The following TRIM16 variants were observed in gnomAD, a reference collection of about 807,000 sequenced individuals.
TRIM16 encodes tripartite motif-containing protein 16.
In TRIM16, 33 loss-of-function variants were observed where a neutral mutation model predicts 50.4. The observed-to-expected ratio is 0.65, with a 90% CI of 0.50 to 0.88. The LOEUF (loss-of-function observed/expected upper bound fraction) is 0.88, where lower values mean the gene tolerates loss of function less well. TRIM16 is among the 40% of genes least tolerant of loss of function. TRIM16 has a pLI of 0.00. For missense variants in TRIM16, 581 were observed against 686.8 expected, an observed-to-expected ratio of 0.85 and a Z score of 1.72; for synonymous variants, 229 against 270.7, an observed-to-expected ratio of 0.85 and a Z score of 1.51.
chr17:15,629,843 C>G (rs1986320666), intron 11 of TRIM16, among the ~76,000 whole-genome samples: 1 of 152,158 alleles, frequency 6.6e-6, no homozygotes, highest in Non-Finnish European at 1.5e-5. Flanking sequence ...TCTCTCCAGC[C>G]CCCTGCTTTA....
At chr17:15,664,824 C>A (rs1293106499) in intron 6 of TRIM16, among the ~76,000 whole-genome samples, 1 of 151,664 alleles carries the variant, frequency 6.6e-6, no homozygotes, top group East Asian at 2.0e-4. Context: ...CACTTGAGAT[C>A]AGTTCGAGAT....
In TRIM16 at chr17:15,651,466, C is replaced by T. The variant is rs748640378; in HGVS notation, c.144G>A (p.Ser48=). The T allele has an allele frequency of 1.8e-5, 29 of 1,611,602 alleles. No individual in the cohort carries two copies. Among genetic ancestry groups the T allele is most frequent in the South Asian group, 1.5e-4 (14 of 90,794 alleles). The part of the protein sequence containing the change: ...SPVEEEDVGS[S]EKLGRETEEQ... ...CCTCCGTCTCCCTGCCAAGCTTCTC[C>T]GAGGAGCCCACGTCCTCTTCTTCCA... The change falls in exon 7 of 12, where the codon TCG becomes TCA. Residue 48 remains serine, a synonymous_variant. Transcript: ENST00000649191.
At chr17:15,654,314 G>C (rs1987869588) in intron 6 of TRIM16, 1 of 152,172 alleles carries the variant, frequency 6.6e-6, no homozygotes, top group African/African-American at 2.4e-5. Flanking sequence ...TTTCCTCACT[G>C]TCCCTGTCCT....
At chr17:15,656,977 G>A (rs1567681619) in intron 6 of TRIM16, among the ~76,000 whole-genome samples, 1 of 151,952 alleles carries the variant, frequency 6.6e-6, no homozygotes, top group South Asian at 2.1e-4. Context: ...TGTTGCCCAG[G>A]TGAGTTTCAA....
chr17:15,660,623 G>A (rs1988182486), intron 6 of TRIM16, among the ~76,000 whole-genome samples: 1 of 152,142 alleles, frequency 6.6e-6, no homozygotes, highest in Non-Finnish European at 1.5e-5. Context: ...GAGGGGCCGG[G>A]CGCGGTGGCT....
At chr17:15,652,362 T>C (rs1203781610) in intron 6 of TRIM16, among the ~76,000 whole-genome samples, 1 of 147,438 alleles carries the variant, frequency 6.8e-6, no homozygotes, top group East Asian at 2.0e-4. Context: ...GGTTTCACCA[T>C]CTTGGCCAGG....
In TRIM16 at chr17:15,651,845, G is replaced by A. The variant is rs573695780; in HGVS notation, c.-236C>T. On this transcript the variant is annotated 5_prime_UTR_variant, in exon 7 of 12. Transcript: ENST00000649191. ...CTCAGGCTCAGGACAGCCGGCTCAGGCTCAGGCTGCCTCCCCAGGTCCAGC... is the reference window on the plus strand; with the variant it reads ...CTCAGGCTCAGGACAGCCGGCTCAGACTCAGGCTGCCTCCCCAGGTCCAGC... 1.4e-6 allele frequency: 2 copies of A among 1,424,444 alleles called. No individual in the cohort carries two copies. The highest frequency in any genetic ancestry group is 2.9e-5 in the Admixed American group (1 of 34,638). 88.2% of individuals were successfully genotyped at this position (1,424,444 alleles called of 1,614,324 possible). A position where few individuals can be genotyped will look rare whatever the true frequency, so the allele number is the denominator to read the frequency against.
At chr17:15,666,352 G>C (rs1988500922) in intron 6 of TRIM16, among the ~76,000 whole-genome samples, 1 of 152,166 alleles carries the variant, frequency 6.6e-6, no homozygotes, top group African/African-American at 2.4e-5. Context: ...AAAGTGTTGG[G>C]ATTATAAGCG....
In TRIM16 at chr17:15,635,894, T is replaced by A. The variant is rs1297285714; in HGVS notation, c.849+142A>T. 2.6e-5 allele frequency: 19 copies of A among 742,546 alleles called. No individual in the cohort carries two copies. In the Admixed American group the frequency reaches 4.5e-4, roughly 17 times the overall value. 46.0% of individuals were successfully genotyped at this position (742,546 alleles called of 1,614,324 possible). A position where few individuals can be genotyped will look rare whatever the true frequency, so the allele number is the denominator to read the frequency against. On this transcript the variant is annotated intron_variant, in intron 9 of 11. Coordinates refer to ENST00000649191, the MANE Select transcript of TRIM16 (RefSeq NM_001348119.1). Reference sequence around the variant, plus strand: ...CTCCTATACTCTGCTGAATGAAGAATCTGCTTCTCTCTGTTCCCACTGCTC... The same window carrying A: ...CTCCTATACTCTGCTGAATGAAGAAACTGCTTCTCTCTGTTCCCACTGCTC...
At chr17:15,649,510 TCTC>T (rs1987580948) in intron 7 of TRIM16, among the ~76,000 whole-genome samples, 2 of 152,094 alleles carry the variant, frequency 1.3e-5, no homozygotes, top group South Asian at 4.1e-4. Flanking sequence ...ATGGTCTCGA[TCTC>T]CTGCCCTCAT....
intron 6 of TRIM16, among the ~76,000 whole-genome samples, chr17:15,667,645 A>G (rs1396141908): frequency 6.6e-6 from 1 of 152,158 alleles, no homozygotes; most frequent in Non-Finnish European, 1.5e-5. Flanking sequence ...TTCTTCATCT[A>G]AGAATTCCAT....
intron 11 of TRIM16, among the ~76,000 whole-genome samples, chr17:15,629,823 T>C (rs1448118349): frequency 1.3e-5 from 2 of 152,270 alleles, no homozygotes; most frequent in Middle Eastern, 3.4e-3. Context: ...CTCCTACGGA[T>C]TCTACCACTT....
Position 15,683,063 on chromosome 17 carries a change from C to T in TRIM16, c.-804G>A. 6.4e-7 allele frequency: 1 copy of T among 1,550,596 alleles called. No individual in the cohort carries two copies. Among genetic ancestry groups the T allele is most frequent in the Non-Finnish European group, 8.7e-7 (1 of 1,147,000 alleles). ...CTGTTCTGGAGTTTGCAGGTCCAAT[C>T]CTCCATAATCATAGCCTTTGCTTCA... is the stretch of plus-strand genomic sequence containing the variant. On this transcript the variant is annotated 5_prime_UTR_variant, in exon 2 of 12. Transcript: ENST00000649191.
rs890355672 is a variant in TRIM16 at position 15,635,286 on chromosome 17, G to A, written c.849+750C>T. 4.7e-5 allele frequency among the ~76,000 whole-genome samples: 7 copies of A among 148,270 alleles called. 2 individuals carry two copies. Among genetic ancestry groups the A allele is most frequent in the Non-Finnish European group, 1.0e-4 (7 of 66,982 alleles). On this transcript the variant is annotated intron_variant, in intron 9 of 11. Transcript: ENST00000649191. Reference sequence around the variant, plus strand: ...GATGTGAAGAGCTGTTAACAGAGCTGTTTTCTGACAGATTCAGGATGTTGC... The same window carrying A: ...GATGTGAAGAGCTGTTAACAGAGCTATTTTCTGACAGATTCAGGATGTTGC...
chr17:15,676,401 A>G (rs1487949485), intron 6 of TRIM16, among the ~76,000 whole-genome samples: 2 of 149,582 alleles, frequency 1.3e-5, no homozygotes, highest in Non-Finnish European at 1.5e-5. Context: ...ATTCACCTAC[A>G]CATCCAGACC....
chr17:15,648,516 T>C (rs1282438134), intron 7 of TRIM16, among the ~76,000 whole-genome samples: 2 of 152,162 alleles, frequency 1.3e-5, no homozygotes. Flanking sequence ...CCACTTTGTG[T>C]CTTCATGGCT....
chr17:15,634,304 G>A (rs1986602307), intron 9 of TRIM16, among the ~76,000 whole-genome samples: 1 of 147,046 alleles, frequency 6.8e-6, no homozygotes, highest in Non-Finnish European at 1.5e-5. Context: ...ACTCTGGCCT[G>A]GGCGAAAAGA....
At chr17:15,643,054 C>T (rs1395644470) in intron 7 of TRIM16, 2 of 827,060 alleles carry the variant, frequency 2.4e-6, no homozygotes, top group East Asian at 1.5e-4. Context: ...GTGCTGCTCA[C>T]CATTTCAAGC....
At chr17:15,640,670 T>C (rs1477426346) in intron 8 of TRIM16, among the ~76,000 whole-genome samples, 1 of 149,224 alleles carries the variant, frequency 6.7e-6, no homozygotes, top group African/African-American at 2.5e-5. Context: ...GATGAAGAAA[T>C]CTACCTCAGA....
Sources: gnomAD v4.1 joint callset for allele counts (sites outside exome capture counted in the v4.1 genomes callset) on GRCh38, gnomAD v4.1.1 for gene constraint, MANE v1.5 for transcripts, NCBI Gene and HGNC (gene_info 2026-07-23, HGNC 2026-07-21) for gene names.